The following ADPRHL1 variants were observed in gnomAD, a reference collection of about 807,000 sequenced individuals.
The protein encoded by ADPRHL1 is inactive ADP-ribosyltransferase ARH2.
In ADPRHL1, 43 loss-of-function variants were observed where a neutral mutation model predicts 44.1. That is an observed-to-expected ratio of 0.98 (90% CI 0.76 to 1.26). The LOEUF (loss-of-function observed/expected upper bound fraction) is 1.26. Ranked by LOEUF, ADPRHL1 falls within the 50% of genes most tolerant of loss-of-function variation. The probability of loss-of-function intolerance (pLI) is 0.00; values close to 1 mark genes in which losing one functional copy is unlikely to be tolerated. For missense variants in ADPRHL1, 2,022 were observed against 2,496.9 expected (o/e 0.81, Z 4.05); for synonymous variants, 878 against 1,017.4 (o/e 0.86, Z 2.61).
chr13:113,415,104 G>A (rs1039315441), intron 7 of ADPRHL1, among the ~76,000 whole-genome samples: 1 of 152,134 alleles, frequency 6.6e-6, no homozygotes, highest in African/African-American at 2.4e-5. Context: ...GAGAGGGGAG[G>A]GGCCGTTTGG....
chr13:113,450,960 C>CCA (rs1555328353), intron 1 of ADPRHL1, among the ~76,000 whole-genome samples: 3 of 151,542 alleles, frequency 2.0e-5, no homozygotes, highest in African/African-American at 7.3e-5. Flanking sequence ...AGACCCCCCC[C>CCA]CCCTTCCTGG....
At position 113,407,899 on chromosome 13, in the gene ADPRHL1, C is replaced by T. The variant is rs1420539319; in HGVS notation, c.1383G>A (p.Gly461=). 8.1e-6 allele frequency: 10 copies of T among 1,231,842 alleles called. No individual in the cohort carries two copies. The highest frequency in any genetic ancestry group is 1.6e-5 in the African/African-American group (1 of 64,434). 76.3% of individuals were successfully genotyped at this position (1,231,842 alleles called of 1,614,324 possible). ...VGRLISKDKQ[G]PGGGLVGATI... The stretch of plus-strand genomic sequence containing the variant: ...TGGCACCCACGAGGCCCCCACCCGG[C>T]CCCTGCTTGTCCTTGGAGATCAGCC... Residue 461 remains glycine, a synonymous_variant, in exon 8 of 8, where the codon GGG becomes GGA. Coordinates refer to ENST00000612156, the MANE Select transcript of ADPRHL1 (RefSeq NM_001394807.1).
At position 113,407,519 on chromosome 13, in the gene ADPRHL1, G is replaced by A. The variant is rs1022654853; in HGVS notation, c.1763C>T (p.Pro588Leu). ...GGCCGTGTGCAGCACGCGCACCTCC[G>A]GCCGGTGCATCCTCTTCCTCTGCAG... is the stretch of plus-strand genomic sequence containing the variant. ...RNLQRKRMHRPEVRVLHTATM... is the reference protein window; with the variant it reads ...RNLQRKRMHRLEVRVLHTATM... Residue 588 changes from proline (P) to leucine (L), a missense_variant, in exon 8 of 8, where the codon CCG becomes CTG. Physicochemically the swap from Pro to Leu is moderately conservative, Grantham distance 98 (BLOSUM62 -3). This residue lies in a region of ADPRHL1 where 1,221 missense variants were observed against 1,517.8 expected (regional missense o/e 0.80). Transcript: ENST00000612156. 4.9e-6 allele frequency: 6 copies of A among 1,232,252 alleles called. No homozygotes were observed. Among genetic ancestry groups the A allele is most frequent in the Non-Finnish European group, 5.1e-6 (5 of 988,128 alleles). 76.3% of individuals were successfully genotyped at this position (1,232,252 alleles called of 1,614,324 possible).
Position 113,406,322 on chromosome 13 carries a change from T to C in ADPRHL1, c.2960A>G (p.His987Arg). 8.1e-7 allele frequency: 1 copy of C among 1,232,130 alleles called. No homozygotes were observed. Among genetic ancestry groups the C allele is most frequent in the South Asian group, 4.1e-5 (1 of 24,322 alleles). The allele number at this position is 1,232,130 out of a possible 1,614,324, so 76.3% of individuals were successfully genotyped here. The change falls in exon 8 of 8, where the codon CAT becomes CGT. Residue 987 changes from histidine to arginine, a missense_variant. His to Arg is a conservative substitution (Grantham distance 29). Coordinates refer to ENST00000612156, the MANE Select transcript of ADPRHL1 (RefSeq NM_001394807.1). ...TATTTCATTAGATTCCGGCAACGGA[T>C]GCTTCACATCTCTGAGCTCAGAGGT... is the stretch of plus-strand genomic sequence containing the variant. ...ERTSELRDVK[H>R]PLPESNEISM...
At chr13:113,426,360 G>A (rs1334655668) in intron 4 of ADPRHL1, among the ~76,000 whole-genome samples, 6 of 152,248 alleles carry the variant, frequency 3.9e-5, no homozygotes, top group African/African-American at 1.4e-4. Flanking sequence ...GAGGGTGGGA[G>A]CCGTGCAGGC....
chr13:113,431,448 G>A (rs1441891359), intron 3 of ADPRHL1, among the ~76,000 whole-genome samples: 2 of 152,226 alleles, frequency 1.3e-5, no homozygotes, highest in African/African-American at 4.8e-5. Context: ...AAGAGTCTAT[G>A]AATGGTTCTC....
At chr13:113,452,529 T>C (rs1348440885) in intron 1 of ADPRHL1, among the ~76,000 whole-genome samples, 2 of 152,234 alleles carry the variant, frequency 1.3e-5, no homozygotes, top group Non-Finnish European at 1.5e-5. Context: ...AAAGCTGGAC[T>C]GCATGTCTGT....
intron 7 of ADPRHL1, among the ~76,000 whole-genome samples, chr13:113,413,611 G>A (rs1416836296): frequency 6.6e-6 from 1 of 152,244 alleles, no homozygotes; most frequent in Non-Finnish European, 1.5e-5. Context: ...TTGCTGCTGA[G>A]TGAACGCGTC....
intron 2 of ADPRHL1, among the ~76,000 whole-genome samples, chr13:113,439,649 T>C (rs2044084606): frequency 6.6e-6 from 1 of 151,900 alleles, no homozygotes; most frequent in Non-Finnish European, 1.5e-5. Flanking sequence ...GGTTTTGCCA[T>C]GTTGGCCAGC....
intron 3 of ADPRHL1, among the ~76,000 whole-genome samples, chr13:113,430,488 C>T (rs1406522709): frequency 2.6e-5 from 4 of 152,080 alleles, no homozygotes; most frequent in Non-Finnish European, 4.4e-5. Flanking sequence ...TAGTGACGGC[C>T]GTGGTGACAG....
rs1301444964 is a variant in ADPRHL1 at position 113,403,381 on chromosome 13, C to T, written c.5901G>A (p.Lys1967=). ...VRASDTSELP[K] is the part of the protein sequence containing the mutation. ...GCCACGGTGTGTACTCGGGGCCTCA[C>T]TTTGGGAGCTCAGACGTGTCGCTGG... is the stretch of plus-strand genomic sequence containing the variant. The change falls in exon 8 of 8, where the codon AAG becomes AAA. Residue 1967 remains lysine, a synonymous_variant. Transcript: ENST00000612156. 5 of 1,231,966 alleles carry T rather than the reference C, an allele frequency of 4.1e-6. No homozygotes were observed. The highest frequency in any genetic ancestry group is 3.0e-6 in the Non-Finnish European group (3 of 987,990). 76.3% of individuals were successfully genotyped at this position (1,231,966 alleles called of 1,614,324 possible). A position where few individuals can be genotyped will look rare whatever the true frequency, so the allele number is the denominator to read the frequency against.
intron 6 of ADPRHL1, 22 bp downstream of exon 6, chr13:113,424,195 C>A: frequency 6.2e-7 from 1 of 1,611,902 alleles, no homozygotes; most frequent in Non-Finnish European, 8.5e-7. Flanking sequence ...CAGGAAGCCA[C>A]GGCCATTAAG....
intron 1 of ADPRHL1, among the ~76,000 whole-genome samples, chr13:113,446,364 G>C (rs184276219): frequency 6.6e-6 from 1 of 152,114 alleles, no homozygotes; most frequent in East Asian, 1.9e-4. Flanking sequence ...GCAAACCCCC[G>C]GAGAAGTGCT....
intron 7 of ADPRHL1, among the ~76,000 whole-genome samples, chr13:113,419,006 CCCTCCCTTCCT>C (rs2043900919): frequency 1.2e-5 from 1 of 81,630 alleles, no homozygotes. Context: ...CTCCCTTCCT[CCCTCCCTTCCT>C]TCCTTTCTTC....
In ADPRHL1 at chr13:113,408,001, C is replaced by A; in HGVS notation, c.1281G>T (p.Thr427=). 8.1e-7 allele frequency: 1 copy of A among 1,232,680 alleles called. No individual in the cohort carries two copies. Among genetic ancestry groups the A allele is most frequent in the South Asian group, 4.1e-5 (1 of 24,334 alleles). 76.4% of individuals were successfully genotyped at this position (1,232,680 alleles called of 1,614,324 possible). A position where few individuals can be genotyped will look rare whatever the true frequency, so the allele number is the denominator to read the frequency against. ...PQTQEATQRP[T]RFQLLQAKFL... is the part of the protein sequence containing the mutation. The stretch of plus-strand genomic sequence containing the variant: ...ACTTGGCCTGCAGGAGCTGGAAGCG[C>A]GTGGGCCGCTGGGTGGCCTCCTGGG... The change falls in exon 8 of 8, where the codon ACG becomes ACT. Residue 427 remains threonine, a synonymous_variant. Transcript: ENST00000612156.
intron 7 of ADPRHL1, chr13:113,422,483 T>G: frequency 4.8e-6 from 1 of 207,600 alleles, no homozygotes; most frequent in Non-Finnish European, 9.7e-6. Flanking sequence ...GTTAGTGTTG[T>G]TGAAGTGAGT....
intron 7 of ADPRHL1, among the ~76,000 whole-genome samples, chr13:113,419,074 CCTT>C (rs1202325690): frequency 9.5e-4 from 70 of 74,058 alleles, no homozygotes; most frequent in African/African-American, 3.7e-3. Flanking sequence ...TTCACTCCCT[CCTT>C]CCTTCCTTCT....
intron 1 of ADPRHL1, among the ~76,000 whole-genome samples, chr13:113,449,458 G>C (rs995146536): frequency 1.3e-5 from 2 of 151,262 alleles, no homozygotes; most frequent in South Asian, 2.1e-4. Context: ...CGTTCAGAGA[G>C]ACACACCCGG....
In ADPRHL1 at chr13:113,404,821, C is replaced by T; in HGVS notation, c.4461G>A (p.Gln1487=). 3 of 1,254,474 alleles carry T rather than the reference C, an allele frequency of 2.4e-6. No individual in the cohort carries two copies. The highest frequency in any genetic ancestry group is 3.1e-5 in the African/African-American group (2 of 64,672). 77.7% of individuals were successfully genotyped at this position (1,254,474 alleles called of 1,614,324 possible). ...EGPGSPAAQG[Q]AQKQVQEWDR... ...CCCATTCCTGAACCTGTTTCTGGGC[C>T]TGTCCTTGGGCTGCCGGGCTTCCCG... The change falls in exon 8 of 8, where the codon CAG becomes CAA. Residue 1487 remains glutamine (Q), a synonymous_variant. Coordinates refer to ENST00000612156, the MANE Select transcript of ADPRHL1 (RefSeq NM_001394807.1).
Sources: allele counts gnomAD v4.1 joint callset (sites outside exome capture counted in the v4.1 genomes callset), GRCh38; gene constraint gnomAD v4.1.1; regional missense constraint gnomAD v4.1.1; transcripts MANE v1.5; gene names NCBI Gene and HGNC (gene_info 2026-07-23, HGNC 2026-07-21).